The following ZBED5 variants were observed in gnomAD, a reference collection of about 807,000 sequenced individuals.
The protein encoded by ZBED5 is zinc finger BED-type containing 5, also known as zinc finger BED domain-containing protein 5.
A neutral mutation model predicts 49.2 loss-of-function variants in ZBED5; 29 were observed. The ratio of observed to expected loss-of-function variants is 0.59; its 90% CI spans 0.44 to 0.80. The LOEUF is 0.80. Ranked by LOEUF, ZBED5 falls within the 30% of genes least tolerant of loss-of-function variation. The pLI, the probability that ZBED5 is intolerant of heterozygous loss-of-function variation, is 0.00. For missense variants in ZBED5, 775 were observed against 812.9 expected, an observed-to-expected ratio of 0.95 and a Z score of 0.57; for synonymous variants, 281 against 292.5, an observed-to-expected ratio of 0.96 and a Z score of 0.40.
rs948411184 is a variant in ZBED5, at chr11:10,856,751, T to C, written c.-255-494A>G. ...TTACTGCTAAATCCCTCATATAGATTATCTCATCTATGAAGACACAAGGAT... is the reference window on the plus strand; with the variant it reads ...TTACTGCTAAATCCCTCATATAGATCATCTCATCTATGAAGACACAAGGAT... On this transcript the variant is annotated intron_variant, in intron 1 of 2. Transcript: ENST00000413761. Among the ~76,000 whole-genome samples, 5 of 152,196 alleles carry C rather than the reference T, an allele frequency of 3.3e-5. No individual in the cohort carries two copies. The South Asian group carries it at 1.0e-3, about 32-fold the overall frequency.
Position 10,853,194 on chromosome 11 carries a change from T to C in ZBED5, c.1752A>G (p.Pro584=), listed in dbSNP as rs1269067832. 1.3e-6 allele frequency: 2 copies of C among 1,551,560 alleles called. No individual in the cohort carries two copies. The change falls in exon 3 of 3, where the codon CCA becomes CCG. Residue 584 remains proline, a synonymous_variant. Transcript: ENST00000413761. This position sits in a 1 kb window ranked among gnomAD's most constrained non-coding sequence, Gnocchi z 5.4. ...CATAGTCCCGTGCTACTAATGAAGC[T>C]GGTTTAACAGTAACTGTAAATGGAT... The part of the protein sequence containing the change: ...VRNPFTVTVK[P]ASLVARDYES...
chr11:10,856,890 G>T (rs114777571), intron 1 of ZBED5, among the ~76,000 whole-genome samples: 60 of 152,292 alleles, frequency 3.9e-4, no homozygotes, highest in African/African-American at 1.4e-3. Flanking sequence ...CATAGCCCAT[G>T]TGTCTAGCCA....
In ZBED5 at chr11:10,854,012, G is replaced by A; in HGVS notation, c.934C>T (p.Gln312Ter). 6.4e-7 allele frequency: 1 copy of A among 1,551,308 alleles called. No homozygotes were observed. Among genetic ancestry groups the A allele is most frequent in the Non-Finnish European group, 8.7e-7 (1 of 1,146,900 alleles). The change falls in exon 3 of 3, where the codon CAA becomes TAA. Residue 312 changes from glutamine to a stop codon, truncating the protein, a stop_gained. Transcript: ENST00000413761. LOFTEE classifies it high-confidence loss of function. The surrounding 1 kb of genome is among the most constrained non-coding windows in gnomAD (Gnocchi z 5.0). ...EEDLLLCESL[Q>*]SNATGEEIFN... ...ATTTCTTCACCGGTAGCATTACTTT[G>A]CAAAGATTCACACAGGAGTAGGTCT...
chr11:10,857,110 G>A lies in ZBED5; in HGVS notation c.-256+752C>T, dbSNP rs1005470173. 6.6e-6 allele frequency: 1 copy of A among 152,170 alleles called. No homozygotes were observed. Among genetic ancestry groups the A allele is most frequent in the East Asian group, 1.9e-4 (1 of 5,180 alleles). The allele number at this position is 152,170 out of a possible 1,614,324, so 9.4% of individuals were successfully genotyped here. On this transcript the variant is annotated intron_variant, in intron 1 of 2. Transcript: ENST00000413761. The surrounding 1 kb of genome is among the most constrained non-coding windows in gnomAD (Gnocchi z 6.3). ...ACAGTCTCCTTTTGGATTTTGCAAC[G>A]GAGAACTCTGTGGAGCTGCTGGTTC...
rs1227083351 is a variant in ZBED5, at chr11:10,854,287, G to C, written c.659C>G (p.Pro220Arg). 2 of 1,550,902 alleles carry C rather than the reference G, an allele frequency of 1.3e-6. No homozygotes were observed. The highest frequency in any genetic ancestry group is 8.7e-7 in the Non-Finnish European group (1 of 1,146,874). The change falls in exon 3 of 3, where the codon CCT becomes CGT. Residue 220 changes from proline (P) to arginine (R), a missense_variant. Pro to Arg is a moderately radical substitution (Grantham distance 103, BLOSUM62 -2). Transcript: ENST00000413761. The surrounding 1 kb of genome is among the most constrained non-coding windows in gnomAD (Gnocchi z 5.0). The part of the protein sequence containing the change: ...AHTIGELLIK[P>R]CAKDVVMRMF... Reference sequence around the variant, plus strand: ...CCGCATCACTACATCTTTTGCACAAGGTTTGATAAGCAATTCTCCAATAGT... The same window carrying C: ...CCGCATCACTACATCTTTTGCACAACGTTTGATAAGCAATTCTCCAATAGT...
At position 10,858,037 on chromosome 11, in the gene ZBED5, G is replaced by A. The variant is rs1053301367; in HGVS notation, c.-431C>T. The stretch of plus-strand genomic sequence containing the variant: ...CTCCATAGAGATCCGATTCGCGGCT[G>A]GCGCGGTCGCCGGTCTGAAGATAAA... On this transcript the variant is annotated 5_prime_UTR_variant, in exon 1 of 3. Transcript: ENST00000413761. 9.2e-6 allele frequency: 3 copies of A among 326,484 alleles called. No homozygotes were observed. Among genetic ancestry groups the A allele is most frequent in the Non-Finnish European group, 1.1e-5 (2 of 180,576 alleles). The allele number at this position is 326,484 out of a possible 1,614,324, so 20.2% of individuals were successfully genotyped here. A position where few individuals can be genotyped will look rare whatever the true frequency, so the allele number is the denominator to read the frequency against.
At position 10,857,167 on chromosome 11, in the gene ZBED5, G is replaced by A. The variant is rs1848193534; in HGVS notation, c.-256+695C>T. 1 of 152,226 alleles carries A rather than the reference G, an allele frequency of 6.6e-6. No individual in the cohort carries two copies. The highest frequency in any genetic ancestry group is 2.4e-5 in the African/African-American group (1 of 41,468). 9.4% of individuals were successfully genotyped at this position (152,226 alleles called of 1,614,324 possible). On this transcript the variant is annotated intron_variant, in intron 1 of 2. Coordinates refer to ENST00000413761, the MANE Select transcript of ZBED5 (RefSeq NM_001143667.2). This position sits in a 1 kb window ranked among gnomAD's most constrained non-coding sequence, Gnocchi z 6.3. ...AAGATCAGGATCCCTCTCGTTGCCA[G>A]AGGACACAGAAGAGTAGGAAGCTTT...
At position 10,853,694 on chromosome 11, in the gene ZBED5, C is replaced by T; in HGVS notation, c.1252G>A (p.Glu418Lys). The T allele has an allele frequency of 6.4e-7, 1 of 1,551,654 alleles. No individual in the cohort carries two copies. The highest frequency in any genetic ancestry group is 8.7e-7 in the Non-Finnish European group (1 of 1,146,950). ...QSRLLKILCE[E>K]MGAQHTALLL... ...AGTGCTGTGTGCTGAGCACCCATTTCCTCACATAAAATTTTTAATAGTCTG... is the reference window on the plus strand; with the variant it reads ...AGTGCTGTGTGCTGAGCACCCATTTTCTCACATAAAATTTTTAATAGTCTG... Residue 418 changes from glutamate (E) to lysine (K), a missense_variant, in exon 3 of 3, where the codon GAA (glutamate) becomes AAA (lysine). Physicochemically the swap from Glu to Lys is moderately conservative, Grantham distance 56. Transcript: ENST00000413761. This position sits in a 1 kb window ranked among gnomAD's most constrained non-coding sequence, Gnocchi z 5.4.
Position 10,857,310 on chromosome 11 carries a change from CG to C in ZBED5, c.-256+551del, listed in dbSNP as rs1190727714. ...AGTTTCCTTTCCACTCCCTGAAGAG[CG>C]GGGAAAACTTCCGTCTTTAGTCTCC... is the stretch of plus-strand genomic sequence containing the variant. On this transcript the variant is annotated intron_variant, in intron 1 of 2. Coordinates refer to ENST00000413761, the MANE Select transcript of ZBED5 (RefSeq NM_001143667.2). The surrounding 1 kb of genome is among the most constrained non-coding windows in gnomAD (Gnocchi z 6.3). 6.6e-6 allele frequency: 1 copy of C among 152,194 alleles called. No individual in the cohort carries two copies. Among genetic ancestry groups the C allele is most frequent in the Non-Finnish European group, 1.5e-5 (1 of 68,048 alleles). 9.4% of individuals were successfully genotyped at this position (152,194 alleles called of 1,614,324 possible). A position where few individuals can be genotyped will look rare whatever the true frequency, so the allele number is the denominator to read the frequency against.
chr11:10,852,832 GGTTATCATGA>G lies in ZBED5; in HGVS notation c.*22_*31del. The G allele has an allele frequency of 6.8e-7, 1 of 1,460,566 alleles. No individual in the cohort carries two copies. Among genetic ancestry groups the G allele is most frequent in the Non-Finnish European group, 9.1e-7 (1 of 1,098,854 alleles). The allele number at this position is 1,460,566 out of a possible 1,614,324, so 90.5% of individuals were successfully genotyped here. ...CATCTTTTATTTTCATCTTACATTT[GGTTATCATGA>G]GACATGCAAACTCCTCCAATTTTAA... On this transcript the variant is annotated 3_prime_UTR_variant, in exon 3 of 3. Transcript: ENST00000413761.
Position 10,854,617 on chromosome 11 carries a change from T to C in ZBED5, c.329A>G (p.Tyr110Cys). 5.8e-6 allele frequency: 9 copies of C among 1,550,920 alleles called. No homozygotes were observed. Among genetic ancestry groups the C allele is most frequent in the Non-Finnish European group, 7.8e-6 (9 of 1,146,692 alleles). The change falls in exon 3 of 3, where the codon TAT (tyrosine) becomes TGT (cysteine). Residue 110 changes from tyrosine to cysteine, a missense_variant. Tyr to Cys is a radical substitution (Grantham distance 194). Transcript: ENST00000413761. This position sits in a 1 kb window ranked among gnomAD's most constrained non-coding sequence, Gnocchi z 5.0. ...TCCAAAAGACAAATAACTTTCATCA[T>C]ATTTTCTTCTTTTTGGTTTTTTACT... Reference protein sequence around the residue: ...TFSKKPKRRKYDESYLSFGFT... With the variant: ...TFSKKPKRRKCDESYLSFGFT...
Position 10,853,547 on chromosome 11 carries a change from T to A in ZBED5, c.1399A>T (p.Asn467Tyr). The stretch of plus-strand genomic sequence containing the variant: ...GCAAGTCTTAGCAGCCAAGATGAAT[T>A]TGTTAAACAATCAGATAGTCGAAAA... ...SAFRLSDCLT[N>Y]SSWLLRLAYL... The change falls in exon 3 of 3, where the codon AAT becomes TAT. Residue 467 changes from asparagine to tyrosine, a missense_variant. Asn to Tyr is a moderately radical substitution (Grantham distance 143). Coordinates refer to ENST00000413761, the MANE Select transcript of ZBED5 (RefSeq NM_001143667.2). This position sits in a 1 kb window ranked among gnomAD's most constrained non-coding sequence, Gnocchi z 5.4. 1 of 1,549,506 alleles carries A rather than the reference T, an allele frequency of 6.5e-7. No individual in the cohort carries two copies. Among genetic ancestry groups the A allele is most frequent in the South Asian group, 1.2e-5 (1 of 83,802 alleles).
chr11:10,853,008 C>T lies in ZBED5; in HGVS notation c.1938G>A (p.Thr646=), dbSNP rs952493316. 1.0e-5 allele frequency: 16 copies of T among 1,551,468 alleles called. No individual in the cohort carries two copies. Among genetic ancestry groups the T allele is most frequent in the East Asian group, 2.4e-5 (1 of 40,928 alleles). ...TTGTTGCAGCGTAATATGAAAACCC[C>T]GTTTCACACAGGTGCATTGTAGCAA... ...LPFATMHLCE[T]GFSYYAATKT... The change falls in exon 3 of 3, where the codon ACG becomes ACA. Residue 646 remains threonine (T), a synonymous_variant. Transcript: ENST00000413761. The surrounding 1 kb of genome is among the most constrained non-coding windows in gnomAD (Gnocchi z 5.4).
Position 10,853,799 on chromosome 11 carries a change from T to C in ZBED5, c.1147A>G (p.Ile383Val). Residue 383 changes from isoleucine to valine, a missense_variant, in exon 3 of 3, where the codon ATA becomes GTA. Coordinates refer to ENST00000413761, the MANE Select transcript of ZBED5 (RefSeq NM_001143667.2). The surrounding 1 kb of genome is among the most constrained non-coding windows in gnomAD (Gnocchi z 5.4). ...LLYRHALAVK[I>V]MPTSLKNVLD... The stretch of plus-strand genomic sequence containing the variant: ...ACATTTTTTAGAGATGTAGGCATTA[T>C]TTTAACTGCCAGTGCATGTCTGTAT... 1 of 1,551,660 alleles carries C rather than the reference T, an allele frequency of 6.4e-7. No homozygotes were observed. The highest frequency in any genetic ancestry group is 8.7e-7 in the Non-Finnish European group (1 of 1,146,938).
Position 10,854,026 on chromosome 11 carries a change from A to T in ZBED5, c.920T>A (p.Leu307Gln), listed in dbSNP as rs1848142714. 6.4e-7 allele frequency: 1 copy of T among 1,551,430 alleles called. No homozygotes were observed. The highest frequency in any genetic ancestry group is 1.4e-5 in the African/African-American group (1 of 72,996). The change falls in exon 3 of 3, where the codon CTG becomes CAG. Residue 307 changes from leucine (L) to glutamine (Q), a missense_variant. Transcript: ENST00000413761. The surrounding 1 kb of genome is among the most constrained non-coding windows in gnomAD (Gnocchi z 5.0). Reference sequence around the variant, plus strand: ...AGCATTACTTTGCAAAGATTCACACAGGAGTAGGTCTTCCTCAATAGACTT... The same window carrying T: ...AGCATTACTTTGCAAAGATTCACACTGGAGTAGGTCTTCCTCAATAGACTT... ...FNKSIEEDLLLCESLQSNATG... is the reference protein window; with the variant it reads ...FNKSIEEDLLQCESLQSNATG...
chr11:10,853,395 T>C lies in ZBED5; in HGVS notation c.1551A>G (p.Ser517=). The change falls in exon 3 of 3, where the codon TCA becomes TCG. Residue 517 remains serine (S), a synonymous_variant. Coordinates refer to ENST00000413761, the MANE Select transcript of ZBED5 (RefSeq NM_001143667.2). The surrounding 1 kb of genome is among the most constrained non-coding windows in gnomAD (Gnocchi z 5.4). ...SLLRKLEFWA[S]SVEEENFDCF... is the part of the protein sequence containing the mutation. ...AATCAAAGTTTTCTTCTTCTACAGA[T>C]GAGGCCCAAAATTCCAATTTTCTTA... is the stretch of plus-strand genomic sequence containing the variant. 2 of 1,550,450 alleles carry C rather than the reference T, an allele frequency of 1.3e-6. No homozygotes were observed. Among genetic ancestry groups the C allele is most frequent in the Non-Finnish European group, 1.7e-6 (2 of 1,146,446 alleles).
rs546413599 is a variant in ZBED5 at position 10,854,549 on chromosome 11, C to A, written c.397G>T (p.Val133Leu). 2.6e-6 allele frequency: 4 copies of A among 1,551,516 alleles called. No homozygotes were observed. In the South Asian group the frequency reaches 3.6e-5, roughly 14 times the overall value. ...GNRDAPHAQC[V>L]LCKKILSNSS... is the part of the protein sequence containing the mutation. ...TTTGATAAAATTTTCTTACATAATA[C>A]ACACTGAGCATGAGGTGCATCTCTA... Residue 133 changes from valine to leucine, a missense_variant, in exon 3 of 3, where the codon GTA becomes TTA. Coordinates refer to ENST00000413761, the MANE Select transcript of ZBED5 (RefSeq NM_001143667.2). The surrounding 1 kb of genome is among the most constrained non-coding windows in gnomAD (Gnocchi z 5.0).
At position 10,854,407 on chromosome 11, in the gene ZBED5, G is replaced by C. The variant is rs754708917; in HGVS notation, c.539C>G (p.Pro180Arg). ...TGTATTCACAATTTTAGGTGTTGGG[G>C]GTTTATTATTTTCAGGTGAATCGAG... The part of the protein sequence containing the change: ...QHLDSPENNK[P>R]PTPKIVNTDN... Residue 180 changes from proline to arginine, a missense_variant, in exon 3 of 3, where the codon CCC becomes CGC. Coordinates refer to ENST00000413761, the MANE Select transcript of ZBED5 (RefSeq NM_001143667.2). The surrounding 1 kb of genome is among the most constrained non-coding windows in gnomAD (Gnocchi z 5.0). 6.4e-7 allele frequency: 1 copy of C among 1,550,938 alleles called. No homozygotes were observed. The highest frequency in any genetic ancestry group is 2.0e-5 in the Admixed American group (1 of 50,938).
Position 10,853,045 on chromosome 11 carries a change from A to T in ZBED5, c.1901T>A (p.Val634Glu). 2 of 1,551,662 alleles carry T rather than the reference A, an allele frequency of 1.3e-6. No homozygotes were observed. Among genetic ancestry groups the T allele is most frequent in the Non-Finnish European group, 1.7e-6 (2 of 1,146,920 alleles). Residue 634 changes from valine to glutamate, a missense_variant, in exon 3 of 3, where the codon GTA becomes GAA. Val to Glu is a moderately radical substitution (Grantham distance 121). Coordinates refer to ENST00000413761, the MANE Select transcript of ZBED5 (RefSeq NM_001143667.2). This position sits in a 1 kb window ranked among gnomAD's most constrained non-coding sequence, Gnocchi z 5.4. ...GTGCATTGTAGCAAAAGGAAGAAGTACACGCACTGCACGCCTTGCAATGCT... is the reference window on the plus strand; with the variant it reads ...GTGCATTGTAGCAAAAGGAAGAAGTTCACGCACTGCACGCCTTGCAATGCT... ...YPSIARRAVR[V>E]LLPFATMHLC...
Sources: allele counts gnomAD v4.1 joint callset (sites outside exome capture counted in the v4.1 genomes callset), GRCh38; gene constraint gnomAD v4.1.1; non-coding constraint Gnocchi (gnomAD v3.1); transcripts MANE v1.5; gene names NCBI Gene and HGNC (gene_info 2026-07-23, HGNC 2026-07-21).